ANGPT4: variants seen among roughly 807,000 people sequenced by gnomAD.
The protein encoded by ANGPT4 is angiopoietin-4.
In ANGPT4, 50 loss-of-function variants were observed where a neutral mutation model predicts 53.0. That is an observed-to-expected ratio of 0.94 (90% CI 0.75 to 1.20). ANGPT4 has a LOEUF of 1.20. ANGPT4 is among the 50% of genes most tolerant of loss of function. The pLI, the probability that ANGPT4 is intolerant of heterozygous loss-of-function variation, is 0.00. For missense variants in ANGPT4, 648 were observed against 637.1 expected (o/e 1.02, Z -0.18); for synonymous variants, 251 against 259.7 (o/e 0.97, Z 0.32).
At chr20:900,759 A>G (rs887549112) in intron 1 of ANGPT4, among the ~76,000 whole-genome samples, 1 of 152,234 alleles carries the variant, frequency 6.6e-6, no homozygotes, top group African/African-American at 2.4e-5. Context: ...ACAACATAAA[A>G]AAACTCAAGG....
intron 1 of ANGPT4, among the ~76,000 whole-genome samples, chr20:897,146 A>G (rs1162054739): frequency 1.3e-5 from 2 of 152,208 alleles, no homozygotes; most frequent in African/African-American, 4.8e-5. Flanking sequence ...CTCCTTTTTC[A>G]GACTCAGTCC....
intron 1 of ANGPT4, among the ~76,000 whole-genome samples, chr20:906,191 G>T: frequency 6.6e-6 from 1 of 152,172 alleles, no homozygotes; most frequent in East Asian, 1.9e-4. Context: ...CTTCTGTCTT[G>T]CCCTCTCTTG....
At position 899,992 on chromosome 20, in the gene ANGPT4, A is replaced by G. The variant is rs373762411; in HGVS notation, c.310-9624T>C. Among the ~76,000 whole-genome samples, 73 of 152,194 alleles carry G rather than the reference A, an allele frequency of 4.8e-4. No homozygotes were observed. The East Asian group carries it at 0.012, about 26-fold the overall frequency. On this transcript the variant is annotated intron_variant, in intron 1 of 8. Coordinates refer to ENST00000381922, the MANE Select transcript of ANGPT4 (RefSeq NM_015985.4). ...CTCCCACTGAAACTTCCACCTATCA[A>G]TCTCTTCCCACACAAGGCAAATGGT...
intron 2 of ANGPT4, among the ~76,000 whole-genome samples, chr20:889,137 C>T (rs1350027343): frequency 1.3e-5 from 2 of 152,156 alleles, no homozygotes; most frequent in African/African-American, 4.8e-5. Context: ...TCTCCATGGC[C>T]CTTCCTGGCC....
chr20:908,467 G>A lies in ANGPT4; in HGVS notation c.309+7439C>T, dbSNP rs770919710. On this transcript the variant is annotated intron_variant, in intron 1 of 8. Transcript: ENST00000381922. This position sits in a 1 kb window ranked among gnomAD's most constrained non-coding sequence, Gnocchi z 4.9. The stretch of plus-strand genomic sequence containing the variant: ...TCTCAGCTCTGTCCTTCTTCCTAGT[G>A]CCTCCCTCCCTCAAGGTCAGGCACC... 8.5e-5 allele frequency among the ~76,000 whole-genome samples: 13 copies of A among 152,058 alleles called. No individual in the cohort carries two copies. The highest frequency in any genetic ancestry group is 1.6e-4 in the Non-Finnish European group (11 of 67,996).
rs1426408007 is a variant in ANGPT4, at chr20:911,400, T to G, written c.309+4506A>C. 6.6e-6 allele frequency among the ~76,000 whole-genome samples: 1 copy of G among 152,234 alleles called. No individual in the cohort carries two copies. Among genetic ancestry groups the G allele is most frequent in the Non-Finnish European group, 1.5e-5 (1 of 68,034 alleles). The stretch of plus-strand genomic sequence containing the variant: ...AAGAGGCCTCGGCTGAGCAGCCAGC[T>G]GCAGGGTGGGCATTGGTCATTTGGC... On this transcript the variant is annotated intron_variant, in intron 1 of 8. Transcript: ENST00000381922. This position sits in a 1 kb window ranked among gnomAD's most constrained non-coding sequence, Gnocchi z 4.9.
chr20:900,179 A>G (rs1482877148), intron 1 of ANGPT4, among the ~76,000 whole-genome samples: 1 of 152,066 alleles, frequency 6.6e-6, no homozygotes, highest in African/African-American at 2.4e-5. Flanking sequence ...ATCCTTGGCT[A>G]CCTTCCCCTT....
At chr20:915,230 C>CA (rs1187121886) in intron 1 of ANGPT4, among the ~76,000 whole-genome samples, 1 of 151,982 alleles carries the variant, frequency 6.6e-6, no homozygotes, top group Non-Finnish European at 1.5e-5. Context: ...AGTGGCCCCC[C>CA]CCCCAGCTGC....
intron 1 of ANGPT4, among the ~76,000 whole-genome samples, chr20:894,495 G>A (rs528985470): frequency 7.4e-4 from 113 of 152,168 alleles, no homozygotes; most frequent in African/African-American, 2.5e-3. Context: ...CCGGGGGTCC[G>A]TGGTAAATCT....
intron 1 of ANGPT4, among the ~76,000 whole-genome samples, chr20:891,385 T>G (rs1320979345): frequency 6.6e-6 from 1 of 152,206 alleles, no homozygotes; most frequent in Non-Finnish European, 1.5e-5. Context: ...AATGTTCATT[T>G]CTTTGACAGG....
At chr20:896,279 A>G (rs1266585196) in intron 1 of ANGPT4, among the ~76,000 whole-genome samples, 1 of 152,214 alleles carries the variant, frequency 6.6e-6, no homozygotes, top group Non-Finnish European at 1.5e-5. Flanking sequence ...ATTCCAGGGC[A>G]CTTCTACTAA....
intron 1 of ANGPT4, among the ~76,000 whole-genome samples, chr20:905,687 T>C (rs1032323899): frequency 6.6e-6 from 1 of 152,172 alleles, no homozygotes; most frequent in Admixed American, 6.5e-5. Context: ...GAACAAGACA[T>C]AGTCTTGGTG....
chr20:906,075 C>T (rs1043888994), intron 1 of ANGPT4, among the ~76,000 whole-genome samples: 1 of 152,212 alleles, frequency 6.6e-6, no homozygotes, highest in Non-Finnish European at 1.5e-5. Context: ...GGTGCTCATG[C>T]CCTTGTGTAG....
At chr20:910,030 G>C (rs511431) in intron 1 of ANGPT4, among the ~76,000 whole-genome samples, 1,645 of 152,244 alleles carry the variant, frequency 0.011, 17 homozygotes, top group African/African-American at 0.02. Flanking sequence ...TATTTTCCAG[G>C]TCCCAGCTAA....
At chr20:891,187 A>C (rs4813852) in intron 1 of ANGPT4, among the ~76,000 whole-genome samples, 78,236 of 152,104 alleles carry the variant, frequency 0.51, 22,058 homozygotes, top group African/African-American at 0.75. Flanking sequence ...ATGCCCCTTC[A>C]CCAGCTTCCT....
rs535518461 is a variant in ANGPT4 at position 873,796 on chromosome 20, T to G, written c.1351+488A>C. Among the ~76,000 whole-genome samples the G allele has an allele frequency of 2.1e-3, 318 of 152,262 alleles. 3 individuals carry two copies. Among genetic ancestry groups the G allele is most frequent in the African/African-American group, 7.2e-3 (299 of 41,544 alleles). ...TCTCTCTTTCTCCATCTGTCCTCTG[T>G]GTCTCAGAAGGTCTCTCCCCCTGTC... On this transcript the variant is annotated intron_variant, in intron 8 of 8. Coordinates refer to ENST00000381922, the MANE Select transcript of ANGPT4 (RefSeq NM_015985.4).
At chr20:884,092 T>C (rs954429861) in intron 4 of ANGPT4, among the ~76,000 whole-genome samples, 1 of 152,152 alleles carries the variant, frequency 6.6e-6, no homozygotes, top group African/African-American at 2.4e-5. Flanking sequence ...GTAGCCCCTT[T>C]GGTCTTTCTC....
At chr20:899,519 C>T (rs1352058859) in intron 1 of ANGPT4, among the ~76,000 whole-genome samples, 2 of 152,064 alleles carry the variant, frequency 1.3e-5, no homozygotes, top group South Asian at 2.1e-4. Context: ...TCCCAAAGTG[C>T]TGGGATTACA....
chr20:914,134 T>G lies in ANGPT4; in HGVS notation c.309+1772A>C, dbSNP rs1982823561. On this transcript the variant is annotated intron_variant, in intron 1 of 8. Transcript: ENST00000381922. This position sits in a 1 kb window ranked among gnomAD's most constrained non-coding sequence, Gnocchi z 5.0. The stretch of plus-strand genomic sequence containing the variant: ...CTACAGACATTTATTGAGTACCTAC[T>G]GTGTGTTCGGCACTATTCTAGGCCC... Among the ~76,000 whole-genome samples, 1 of 152,168 alleles carries G rather than the reference T, an allele frequency of 6.6e-6. No homozygotes were observed. The highest frequency in any genetic ancestry group is 1.5e-5 in the Non-Finnish European group (1 of 68,036).
Sources: gnomAD v4.1 joint callset for allele counts (sites outside exome capture counted in the v4.1 genomes callset) on GRCh38, gnomAD v4.1.1 for gene constraint, Gnocchi (gnomAD v3.1) non-coding constraint, MANE v1.5 for transcripts, NCBI Gene and HGNC (gene_info 2026-07-23, HGNC 2026-07-21) for gene names.